Variants in VWA5B1 observed in about 807,000 individuals in gnomAD.
VWA5B1 encodes von Willebrand factor A domain-containing protein 5B1.
A neutral mutation model predicts 118.2 loss-of-function variants in VWA5B1; 115 were observed. The observed-to-expected ratio is 0.97, with a 90% CI of 0.84 to 1.14. The LOEUF (loss-of-function observed/expected upper bound fraction) is 1.14, where lower values mean the gene tolerates loss of function less well. Ranked by LOEUF, VWA5B1 falls within the 50% of genes most tolerant of loss-of-function variation. The pLI is 0.00. For missense variants in VWA5B1, 1,596 were observed against 1,603.8 expected (o/e 1.00, Z 0.08); for synonymous variants, 682 against 658.4 (o/e 1.04, Z -0.55).
At chr1:20,308,212 T>A (rs2088723337) in intron 1 of VWA5B1, among the ~76,000 whole-genome samples, 1 of 151,510 alleles carries the variant, frequency 6.6e-6, no homozygotes, top group Non-Finnish European at 1.5e-5. Flanking sequence ...ATGGTTTTGT[T>A]CTTTTTTATA....
chr1:20,357,554 G>A lies in VWA5B1; in HGVS notation c.*3291G>A, dbSNP rs140570170. ...CTCTTAGGGCTCCTGCGGCACTGGC[G>A]TTCAGAAAGCCTTTACTGGGTGCCT... On this transcript the variant is annotated 3_prime_UTR_variant, in exon 22 of 22. Transcript: ENST00000289815. 1.3e-4 allele frequency among the ~76,000 whole-genome samples: 20 copies of A among 152,330 alleles called. No homozygotes were observed. The highest frequency in any genetic ancestry group is 3.9e-4 in the East Asian group (2 of 5,180).
At chr1:20,293,316 G>A (rs142696680) in intron 1 of VWA5B1, among the ~76,000 whole-genome samples, 34 of 151,624 alleles carry the variant, frequency 2.2e-4, no homozygotes, top group African/African-American at 7.3e-4. Context: ...CCAATGATGC[G>A]AATGCTGGTT....
chr1:20,337,943 C>A, intron 14 of VWA5B1, 107 bp downstream of exon 14: 1 of 1,358,390 alleles, frequency 7.4e-7, no homozygotes, highest in African/African-American at 1.4e-5. Context: ...ACTTACACTG[C>A]CAAGTGAGTC....
intron 1 of VWA5B1, among the ~76,000 whole-genome samples, chr1:20,292,111 CT>C (rs2088320270): frequency 6.6e-6 from 1 of 151,350 alleles, no homozygotes; most frequent in African/African-American, 2.4e-5. Flanking sequence ...TTTTCTTTCC[CT>C]CTGTCTCTCT....
At chr1:20,332,740 A>G in intron 11 of VWA5B1, 26 bp from the exon 12 acceptor site, 1 of 1,549,260 alleles carries the variant, frequency 6.5e-7, no homozygotes, top group Non-Finnish European at 8.7e-7. Flanking sequence ...TACATCCCCC[A>G]ACTGCATTCT....
At chr1:20,301,990 C>T (rs1557827884) in intron 1 of VWA5B1, among the ~76,000 whole-genome samples, 1 of 152,174 alleles carries the variant, frequency 6.6e-6, no homozygotes, top group South Asian at 2.1e-4. Flanking sequence ...AGCATCTTTT[C>T]ACACGCTTAG....
intron 20 of VWA5B1, among the ~76,000 whole-genome samples, chr1:20,351,685 T>C (rs1301540323): frequency 6.6e-6 from 1 of 151,694 alleles, no homozygotes; most frequent in Non-Finnish European, 1.5e-5. Flanking sequence ...TAGCCAGACA[T>C]GGGTGTGTGC....
At position 20,330,900 on chromosome 1, in the gene VWA5B1, T is replaced by C; in HGVS notation, c.1489T>C (p.Cys497Arg). 6.4e-7 allele frequency: 1 copy of C among 1,551,758 alleles called. No homozygotes were observed. The highest frequency in any genetic ancestry group is 1.2e-5 in the South Asian group (1 of 84,060). Residue 497 changes from cysteine to arginine, a missense_variant, in exon 11 of 22, where the codon TGC (cysteine) becomes CGC (arginine). Physicochemically the swap from Cys to Arg is radical, Grantham distance 180. Coordinates refer to ENST00000289815, the MANE Select transcript of VWA5B1 (RefSeq NM_001039500.3). ...CYSFGIGPNV[C>R]HRLVKGLASV... Reference sequence around the variant, plus strand: ...TAGCTTTGGAATTGGACCCAACGTCTGCCACAGACTGGTGAAAGGACTGGC... The same window carrying C: ...TAGCTTTGGAATTGGACCCAACGTCCGCCACAGACTGGTGAAAGGACTGGC...
intron 12 of VWA5B1, 30 bp downstream of exon 12, chr1:20,332,981 T>G (rs1430385556): frequency 1.9e-6 from 3 of 1,549,456 alleles, no homozygotes; most frequent in Non-Finnish European, 2.6e-6. Flanking sequence ...CACGGGTCCG[T>G]GTGGGCCCAG....
chr1:20,353,978 C>G lies in VWA5B1; in HGVS notation c.3363C>G (p.Ala1121=), dbSNP rs1215883486. ...SCDSFSLEPL[A]KGKLGLEPRA... is the part of the protein sequence containing the mutation. Reference sequence around the variant, plus strand: ...ACAGCTTCTCCCTGGAGCCTCTGGCCAAGGGCAAGCTGGGCCTGGAGCCGA... The same window carrying G: ...ACAGCTTCTCCCTGGAGCCTCTGGCGAAGGGCAAGCTGGGCCTGGAGCCGA... Residue 1121 remains alanine, a synonymous_variant, in exon 22 of 22, where the codon GCC becomes GCG. Coordinates refer to ENST00000289815, the MANE Select transcript of VWA5B1 (RefSeq NM_001039500.3). 6.4e-7 allele frequency: 1 copy of G among 1,551,744 alleles called. No individual in the cohort carries two copies.
chr1:20,345,545 G>A lies in VWA5B1; in HGVS notation c.2716G>A (p.Val906Met), dbSNP rs981286822. The change falls in exon 17 of 22, where the codon GTG (valine) becomes ATG (methionine). Residue 906 changes from valine (V) to methionine (M), a missense_variant. Physicochemically the swap from Val to Met is conservative, Grantham distance 21. Coordinates refer to ENST00000289815, the MANE Select transcript of VWA5B1 (RefSeq NM_001039500.3). ...SKYTAFVPVD[V>M]SKSRYLPTVV... The stretch of plus-strand genomic sequence containing the variant: ...ATACACAGCCTTCGTGCCTGTGGAC[G>A]TGAGCAAGAGCCGGTACCTGCCCAC... 9.7e-6 allele frequency: 15 copies of A among 1,551,022 alleles called. No homozygotes were observed. The highest frequency in any genetic ancestry group is 3.6e-5 in the South Asian group (3 of 84,046).
chr1:20,327,848 A>G (rs2089434446), intron 8 of VWA5B1, 42 bp from the exon 9 acceptor site: 1 of 1,507,128 alleles, frequency 6.6e-7, no homozygotes. Flanking sequence ...GAGTGACAAG[A>G]ACTCCTTCCT....
At chr1:20,344,774 T>C (rs1370318781) in intron 16 of VWA5B1, among the ~76,000 whole-genome samples, 1 of 152,234 alleles carries the variant, frequency 6.6e-6, no homozygotes, top group Admixed American at 6.5e-5. Context: ...TTTACTTGTA[T>C]TTTTGTATTG....
intron 1 of VWA5B1, 149 bp from the exon 2 acceptor site, chr1:20,310,427 G>T (rs565267394): frequency 6.9e-6 from 5 of 728,980 alleles, no homozygotes; most frequent in South Asian, 2.4e-5. Context: ...GTTATCCTGC[G>T]GTCACTTCCT....
intron 17 of VWA5B1, among the ~76,000 whole-genome samples, chr1:20,347,536 C>T (rs548746551): frequency 6.6e-6 from 1 of 152,148 alleles, no homozygotes; most frequent in South Asian, 2.1e-4. Context: ...AACTCTTGGA[C>T]TCAAGTGATC....
rs1321580007 is a variant in VWA5B1, at chr1:20,352,167, C to CCT, written c.3139_3140dup (p.Val1048TrpfsTer171). ...CGGGAACCAGAGCTTCGACTACATA[C>CCT]CTCTGGTGAGTGCCCTGACCCCAGG... On this transcript the variant is annotated frameshift_variant, in exon 21 of 22. Coordinates refer to ENST00000289815, the MANE Select transcript of VWA5B1 (RefSeq NM_001039500.3). LOFTEE classifies it low-confidence loss of function (END_TRUNC). 4.5e-6 allele frequency: 7 copies of CCT among 1,550,524 alleles called. No homozygotes were observed. Among genetic ancestry groups the CCT allele is most frequent in the Non-Finnish European group, 6.1e-6 (7 of 1,146,490 alleles).
At chr1:20,346,452 T>A (rs1438235964) in intron 17 of VWA5B1, among the ~76,000 whole-genome samples, 1 of 152,234 alleles carries the variant, frequency 6.6e-6, no homozygotes, top group African/African-American at 2.4e-5. Context: ...TTATTCCCCA[T>A]TTGGTTATTG....
At chr1:20,350,767 C>T (rs2090112912) in intron 19 of VWA5B1, 90 bp from the exon 20 acceptor site, 1 of 1,268,526 alleles carries the variant, frequency 7.9e-7, no homozygotes, top group South Asian at 1.3e-5. Flanking sequence ...GCACCTGCCC[C>T]TCTCTAGGCC....
In VWA5B1 at chr1:20,355,690, G is replaced by A. The variant is rs2090216593; in HGVS notation, c.*1427G>A. Among the ~76,000 whole-genome samples, 1 of 152,234 alleles carries A rather than the reference G, an allele frequency of 6.6e-6. No homozygotes were observed. The highest frequency in any genetic ancestry group is 6.5e-5 in the Admixed American group (1 of 15,290). ...AAGCCCCGGCCTCAGGAAGACTCGA[G>A]GGGTGTGCAGCCTCCAGCAGGGGCT... On this transcript the variant is annotated 3_prime_UTR_variant, in exon 22 of 22. Coordinates refer to ENST00000289815, the MANE Select transcript of VWA5B1 (RefSeq NM_001039500.3).
Sources: allele counts gnomAD v4.1 joint callset (sites outside exome capture counted in the v4.1 genomes callset), GRCh38; gene constraint gnomAD v4.1.1; transcripts MANE v1.5; gene names NCBI Gene and HGNC (gene_info 2026-07-23, HGNC 2026-07-21).